The following LRTM1 variants were observed in gnomAD, a reference collection of about 807,000 sequenced individuals.
The protein encoded by LRTM1 is leucine rich repeat transmembrane protein 1.
LRTM1 carries 38 observed loss-of-function variants against 32.4 expected under a neutral mutation model. The ratio of observed to expected loss-of-function variants is 1.17; its 90% confidence interval spans 0.91 to 1.54. The LOEUF is 1.54. Among genes scored for constraint, LRTM1 ranks in the 40% most tolerant of loss-of-function variants. LRTM1 has a pLI of 0.00. For synonymous variants in LRTM1, 186 were observed against 169.9 expected (o/e 1.09, Z -0.74); for missense variants, 466 against 415.4 (o/e 1.12, Z -1.06).
chr3:54,952,917 G>C (rs111372749), intron 1 of LRTM1, among the ~76,000 whole-genome samples: 11 of 152,282 alleles, frequency 7.2e-5, no homozygotes, highest in African/African-American at 2.4e-4. Flanking sequence ...TTGTCTTCCA[G>C]CAACAAAGGA....
intron 1 of LRTM1, among the ~76,000 whole-genome samples, chr3:54,954,077 GTCTC>G (rs956973500): frequency 1.2e-4 from 18 of 152,316 alleles, no homozygotes; most frequent in African/African-American, 4.1e-4. Context: ...TGAATTCAGT[GTCTC>G]TCTGCCTATT....
chr3:54,955,227 C>T (rs1047026296), intron 1 of LRTM1, among the ~76,000 whole-genome samples: 6 of 152,038 alleles, frequency 3.9e-5, no homozygotes, highest in East Asian at 1.9e-4. Context: ...CTGGAGGAGA[C>T]GGGCAGACAT....
chr3:54,933,657 A>G (rs1701261148), intron 1 of LRTM1, among the ~76,000 whole-genome samples: 2 of 152,226 alleles, frequency 1.3e-5, no homozygotes, highest in African/African-American at 4.8e-5. Context: ...ACAACTCACT[A>G]GACATTAAGT....
intron 1 of LRTM1, among the ~76,000 whole-genome samples, chr3:54,936,040 G>A (rs1159816964): frequency 6.6e-6 from 1 of 152,066 alleles, no homozygotes; most frequent in East Asian, 1.9e-4. Context: ...AACATTTACT[G>A]GCTGTGTGGC....
chr3:54,960,086 A>C (rs1701995139), intron 1 of LRTM1, among the ~76,000 whole-genome samples: 1 of 152,160 alleles, frequency 6.6e-6, no homozygotes, highest in Non-Finnish European at 1.5e-5. Flanking sequence ...CAAAAAAAAA[A>C]AAAAAACCAA....
At chr3:54,945,854 A>G (rs143831407) in intron 1 of LRTM1, among the ~76,000 whole-genome samples, 34 of 152,318 alleles carry the variant, frequency 2.2e-4, no homozygotes, top group African/African-American at 7.7e-4. Context: ...TCAGTGGGCA[A>G]TGCAGCAAAG....
intron 1 of LRTM1, among the ~76,000 whole-genome samples, chr3:54,941,277 T>TA (rs1701460149): frequency 6.6e-6 from 1 of 152,226 alleles, no homozygotes. Flanking sequence ...TCTGTTAAAA[T>TA]ACTGATTTGT....
At chr3:54,942,547 G>T (rs1412397574) in intron 1 of LRTM1, among the ~76,000 whole-genome samples, 1 of 152,136 alleles carries the variant, frequency 6.6e-6, no homozygotes, top group African/African-American at 2.4e-5. Context: ...AGTAATATAT[G>T]AATGCAGTTT....
At chr3:54,945,961 T>G (rs1050230347) in intron 1 of LRTM1, among the ~76,000 whole-genome samples, 2 of 152,232 alleles carry the variant, frequency 1.3e-5, no homozygotes, top group Non-Finnish European at 2.9e-5. Flanking sequence ...GCTCCTGCTC[T>G]TCACAAGAGT....
At chr3:54,919,901 A>G (rs975615905) in intron 2 of LRTM1, among the ~76,000 whole-genome samples, 1 of 152,290 alleles carries the variant, frequency 6.6e-6, no homozygotes. Flanking sequence ...TTTTTCCACT[A>G]CACTCGCTGC....
chr3:54,955,645 A>G lies in LRTM1; in HGVS notation c.-222+11283T>C, dbSNP rs915787593. On this transcript the variant is annotated intron_variant, in intron 1 of 2. Coordinates refer to the LRTM1 transcript ENST00000493075. ...ATATCATTCTTTGAGTCCCAACAGA[A>G]TGTTGGTGGAATGGAGAAATGTGTA... Among the ~76,000 whole-genome samples the G allele has an allele frequency of 2.6e-5, 4 of 152,114 alleles. No individual in the cohort carries two copies. In the South Asian group the frequency reaches 6.2e-4, roughly 24 times the overall value.
intron 1 of LRTM1, among the ~76,000 whole-genome samples, chr3:54,939,628 C>T (rs77425672): frequency 0.021 from 3,230 of 152,316 alleles, 115 homozygotes; most frequent in African/African-American, 0.07. Flanking sequence ...TTAGCAATAA[C>T]CTGGTCCATC....
At chr3:54,934,468 C>T (rs777525006) in intron 1 of LRTM1, among the ~76,000 whole-genome samples, 16 of 152,090 alleles carry the variant, frequency 1.1e-4, no homozygotes, top group East Asian at 3.9e-4. Context: ...AGGATTATTC[C>T]GTTTACTGCA....
rs144882943 is a variant in LRTM1, at chr3:54,926,119, C to T, written c.8-904G>A. Among the ~76,000 whole-genome samples, 323 of 152,212 alleles carry T rather than the reference C, an allele frequency of 2.1e-3. 1 individual carries two copies. Among genetic ancestry groups the T allele is most frequent in the African/African-American group, 7.3e-3 (303 of 41,532 alleles). ...CAATTTCTATTTTCCAGCATAAGCC[C>T]TTTTCCTCACACCATTACTGATGTA... On this transcript the variant is annotated intron_variant, in intron 1 of 2. Transcript: ENST00000273286.
At chr3:54,934,773 C>G (rs1701288016) in intron 1 of LRTM1, among the ~76,000 whole-genome samples, 1 of 152,070 alleles carries the variant, frequency 6.6e-6, no homozygotes, top group African/African-American at 2.4e-5. Context: ...CACCTGTTGC[C>G]CAGGCTGGAG....
At chr3:54,925,818 A>G (rs149939949) in intron 1 of LRTM1, among the ~76,000 whole-genome samples, 4,017 of 152,282 alleles carry the variant, frequency 0.026, 80 homozygotes, top group Admixed American at 0.041. Context: ...CATGTGGCTA[A>G]TGGTTACTGT....
intron 1 of LRTM1, among the ~76,000 whole-genome samples, chr3:54,961,618 C>T (rs994980967): frequency 1.3e-5 from 2 of 152,142 alleles, no homozygotes; most frequent in African/African-American, 4.8e-5. Context: ...AATTGTCCAG[C>T]AGTAGCCAGG....
intron 1 of LRTM1, among the ~76,000 whole-genome samples, chr3:54,927,626 A>C (rs532716827): frequency 3.3e-5 from 5 of 152,286 alleles, no homozygotes; most frequent in African/African-American, 9.6e-5. Context: ...CAAAGGAATA[A>C]TATACGAACT....
intron 1 of LRTM1, among the ~76,000 whole-genome samples, chr3:54,960,969 A>G (rs1338348578): frequency 6.6e-6 from 1 of 152,258 alleles, no homozygotes; most frequent in African/African-American, 2.4e-5. Context: ...GCTCCAGAAC[A>G]GTGCCCTTTT....
Sources: gnomAD v4.1 joint callset for allele counts (sites outside exome capture counted in the v4.1 genomes callset) on GRCh38, gnomAD v4.1.1 for gene constraint, MANE v1.5 for transcripts, NCBI Gene and HGNC (gene_info 2026-07-23, HGNC 2026-07-21) for gene names.